Variants in LOC400499 observed in about 807,000 individuals in gnomAD.
chr16:11,527,218 A>G, the LOC400499 span, among the ~76,000 whole-genome samples: 6 of 152,202 alleles, frequency 3.9e-5, no homozygotes, highest in African/African-American at 1.4e-4. Context: ...CAGGCTCCAG[A>G]GCAGCTCAGC....
chr16:11,410,991 G>A, the LOC400499 span, among the ~76,000 whole-genome samples: 2 of 152,266 alleles, frequency 1.3e-5, no homozygotes, highest in Non-Finnish European at 2.9e-5. Flanking sequence ...CAGGCACTGG[G>A]TGAGGAGGCC....
the LOC400499 span, among the ~76,000 whole-genome samples, chr16:11,483,266 T>G: frequency 6.6e-6 from 1 of 152,176 alleles, no homozygotes; most frequent in South Asian, 2.1e-4. Context: ...TTAGAAAAAT[T>G]TAAACATATA....
the LOC400499 span, chr16:11,456,934 A>G: frequency 1.3e-6 from 2 of 1,536,284 alleles, no homozygotes; most frequent in East Asian, 4.9e-5. Context: ...CGCCCATTGT[A>G]CTGCACCTTC....
chr16:11,389,045 G>C, the LOC400499 span, among the ~76,000 whole-genome samples: 132,190 of 152,202 alleles, frequency 0.87, 59,124 homozygotes, highest in Non-Finnish European at 0.98. Context: ...TGAGATCACA[G>C]CATTGTACTC....
At chr16:11,385,111 G>A in the LOC400499 span, 1 of 1,231,810 alleles carries the variant, frequency 8.1e-7, no homozygotes, top group Non-Finnish European at 1.0e-6. Context: ...CCACAGCCAG[G>A]TGACAAGCTT....
the LOC400499 span, among the ~76,000 whole-genome samples, chr16:11,423,620 C>T: frequency 6.6e-6 from 1 of 152,238 alleles, no homozygotes; most frequent in African/African-American, 2.4e-5. Flanking sequence ...AGGCCAGGAG[C>T]CCTGCTCACT....
At chr16:11,461,446 C>G in the LOC400499 span, among the ~76,000 whole-genome samples, 2 of 152,220 alleles carry the variant, frequency 1.3e-5, no homozygotes, top group African/African-American at 2.4e-5. Flanking sequence ...GTCTTAAACT[C>G]CTGGGCTCAA....
chr16:11,499,654 A>G, the LOC400499 span, among the ~76,000 whole-genome samples: 4 of 152,178 alleles, frequency 2.6e-5, no homozygotes, highest in African/African-American at 9.6e-5. Flanking sequence ...GACCAGCTCC[A>G]GGGGCTCTCA....
At chr16:11,406,424 G>T in the LOC400499 span, among the ~76,000 whole-genome samples, 18 of 152,080 alleles carry the variant, frequency 1.2e-4, no homozygotes, top group East Asian at 3.9e-4. Flanking sequence ...CTCCCCCAGA[G>T]ATTTCTTTTT....
the LOC400499 span, among the ~76,000 whole-genome samples, chr16:11,456,049 T>A: frequency 2.0e-5 from 3 of 151,500 alleles, no homozygotes; most frequent in African/African-American, 7.3e-5. Flanking sequence ...TAAAATTTTT[T>A]TTTTTTTTTC....
At chr16:11,462,228 T>A in the LOC400499 span, 1 of 1,533,476 alleles carries the variant, frequency 6.5e-7, no homozygotes, top group Non-Finnish European at 8.7e-7. Context: ...CTGCCCCCCG[T>A]CACCAGTTTC....
At chr16:11,516,079 T>G in the LOC400499 span, 262,834 of 399,192 alleles carry the variant, frequency 0.66, 89,337 homozygotes, top group Non-Finnish European at 0.72. Context: ...CAGACAGGGT[T>G]GGGGACAGGT....
At chr16:11,428,293 T>C in the LOC400499 span, among the ~76,000 whole-genome samples, 1 of 152,124 alleles carries the variant, frequency 6.6e-6, no homozygotes, top group Admixed American at 6.5e-5. Flanking sequence ...TGCTTGAGCT[T>C]CCTGAGTAGC....
the LOC400499 span, chr16:11,477,036 G>A: frequency 2.5e-6 from 1 of 400,584 alleles, no homozygotes; most frequent in East Asian, 3.6e-5. Context: ...GCAGTCCTGA[G>A]CCACAGCAGC....
the LOC400499 span, chr16:11,424,111 G>A: frequency 7.5e-6 from 3 of 399,342 alleles, no homozygotes; most frequent in East Asian, 7.1e-5. Context: ...TCACTCACCT[G>A]GAAGTGCCCG....
the LOC400499 span, chr16:11,501,097 G>C: frequency 8.8e-6 from 3 of 342,774 alleles, no homozygotes; most frequent in Non-Finnish European, 1.5e-5. Flanking sequence ...CCTTGGGAGG[G>C]GCTGACCCGG....
At chr16:11,452,349 T>C in the LOC400499 span, among the ~76,000 whole-genome samples, 2 of 152,096 alleles carry the variant, frequency 1.3e-5, no homozygotes, top group African/African-American at 4.8e-5. Context: ...TCTAATTGTC[T>C]CCCAAGTTCA....
chr16:11,493,690 C>A, the LOC400499 span: 1 of 397,204 alleles, frequency 2.5e-6, no homozygotes, highest in Non-Finnish European at 4.4e-6. Context: ...GGCCCCCAGC[C>A]GGATCTCGGG....
chr16:11,496,160 G>C, the LOC400499 span, among the ~76,000 whole-genome samples: 46 of 151,346 alleles, frequency 3.0e-4, no homozygotes, highest in African/African-American at 1.1e-3. Context: ...TCTGCCTCCT[G>C]AGATCAAGTG....
Sources: allele counts gnomAD v4.1 joint callset (sites outside exome capture counted in the v4.1 genomes callset), GRCh38; gene constraint gnomAD v4.1.1; transcripts MANE v1.5.